The following POU6F2 variants were observed in gnomAD, a reference collection of about 807,000 sequenced individuals.
POU6F2 encodes POU class 6 homeobox 2, also known as POU domain, class 6, transcription factor 2.
A neutral mutation model predicts 71.3 loss-of-function variants in POU6F2; 31 were observed. The observed-to-expected ratio is 0.43, with a 90% CI of 0.33 to 0.59. POU6F2 has a LOEUF of 0.59. Among genes scored for constraint, POU6F2 ranks in the 20% least tolerant of loss-of-function variants. POU6F2 has a pLI of 0.04. For missense variants in POU6F2, 783 were observed against 856.8 expected, an observed-to-expected ratio of 0.91 and a Z score of 1.07; for synonymous variants, 347 against 355.7, an observed-to-expected ratio of 0.98 and a Z score of 0.27.
intron 4 of POU6F2, among the ~76,000 whole-genome samples, chr7:39,327,811 C>T (rs1047119416): frequency 4.0e-5 from 6 of 151,010 alleles, no homozygotes; most frequent in Non-Finnish European, 5.9e-5. Flanking sequence ...TGGACCCCCC[C>T]GCCAATAATA....
intron 4 of POU6F2, among the ~76,000 whole-genome samples, chr7:39,312,690 C>G (rs2128767281): frequency 6.6e-6 from 1 of 152,340 alleles, no homozygotes; most frequent in East Asian, 1.9e-4. Flanking sequence ...CATCACTACT[C>G]TTGCACTTCG....
chr7:39,068,126 A>G (rs891566444), intron 1 of POU6F2, among the ~76,000 whole-genome samples: 3 of 152,186 alleles, frequency 2.0e-5, no homozygotes, highest in South Asian at 2.1e-4. Flanking sequence ...CTTATCAATG[A>G]AAATAATTTT....
rs143115222 is a variant in POU6F2 at position 39,234,779 on chromosome 7, G to A, written c.598+27159G>A. On this transcript the variant is annotated intron_variant, in intron 4 of 9. Coordinates refer to ENST00000518318, the MANE Select transcript of POU6F2 (RefSeq NM_001370959.1). Reference sequence around the variant, plus strand: ...ATGTCAATTTTCTTGCCAACACACTGGATTTCTCATGCATCAATAGTACCA... The same window carrying A: ...ATGTCAATTTTCTTGCCAACACACTAGATTTCTCATGCATCAATAGTACCA... 3.1e-3 allele frequency among the ~76,000 whole-genome samples: 477 copies of A among 152,198 alleles called. 8 individuals carry two copies. Among genetic ancestry groups the A allele is most frequent in the Admixed American group, 0.028 (421 of 15,288 alleles).
Position 39,128,592 on chromosome 7 carries a change from T to C in POU6F2, c.277+42561T>C, listed in dbSNP as rs554776569. ...TTGGTGTGTAAATGCAGAATTCTAG[T>C]CTACTGTCAGTCTTTACAGAAAAGT... On this transcript the variant is annotated intron_variant, in intron 2 of 9. Coordinates refer to ENST00000518318, the MANE Select transcript of POU6F2 (RefSeq NM_001370959.1). Among the ~76,000 whole-genome samples the C allele has an allele frequency of 1.6e-3, 246 of 152,362 alleles. 2 individuals are homozygous for C. Among genetic ancestry groups the C allele is most frequent in the African/African-American group, 5.5e-3 (229 of 41,590 alleles).
At chr7:39,409,045 A>G (rs796620750) in intron 6 of POU6F2, among the ~76,000 whole-genome samples, 13 of 152,220 alleles carry the variant, frequency 8.5e-5, no homozygotes, top group Admixed American at 2.6e-4. Flanking sequence ...ATGTGGCACA[A>G]AAGGTAGCAA....
At chr7:39,440,618 C>T (rs4535636) in intron 7 of POU6F2, among the ~76,000 whole-genome samples, 51,179 of 151,958 alleles carry the variant, frequency 0.34, 9,630 homozygotes, top group East Asian at 0.58. Flanking sequence ...CTTCTTTGCA[C>T]TGGGTTAGAA....
intron 2 of POU6F2, among the ~76,000 whole-genome samples, chr7:39,115,405 T>C (rs1442619640): frequency 6.6e-6 from 1 of 152,224 alleles, no homozygotes; most frequent in Non-Finnish European, 1.5e-5. Flanking sequence ...GCTACTTCTT[T>C]TCTGGTACTT....
intron 2 of POU6F2, among the ~76,000 whole-genome samples, chr7:39,111,709 A>G (rs951818344): frequency 5.9e-5 from 9 of 152,210 alleles, no homozygotes; most frequent in African/African-American, 2.2e-4. Context: ...GTGGAGAACT[A>G]TAGTACATTC....
intron 4 of POU6F2, among the ~76,000 whole-genome samples, chr7:39,296,802 A>T (rs1784853737): frequency 1.3e-5 from 2 of 152,200 alleles, no homozygotes; most frequent in African/African-American, 4.8e-5. Context: ...AATAGGTTCT[A>T]CACCTGGTTT....
At chr7:39,301,698 T>C (rs1336925505) in intron 4 of POU6F2, among the ~76,000 whole-genome samples, 1 of 152,062 alleles carries the variant, frequency 6.6e-6, no homozygotes, top group Non-Finnish European at 1.5e-5. Flanking sequence ...AAATGTTAAA[T>C]AGAAAAGGGC....
chr7:39,273,820 C>A (rs980353814), intron 4 of POU6F2, among the ~76,000 whole-genome samples: 4 of 151,662 alleles, frequency 2.6e-5, no homozygotes, highest in African/African-American at 9.7e-5. Context: ...AAAGGCACTG[C>A]CTTAGAGAAG....
intron 1 of POU6F2, among the ~76,000 whole-genome samples, chr7:39,069,348 C>T (rs1193161841): frequency 6.6e-6 from 1 of 152,164 alleles, no homozygotes; most frequent in East Asian, 1.9e-4. Flanking sequence ...GAAGGTGGAG[C>T]AGAGGGCTTT....
chr7:39,340,427 C>A (rs982219328), intron 5 of POU6F2, among the ~76,000 whole-genome samples: 3 of 152,156 alleles, frequency 2.0e-5, no homozygotes, highest in African/African-American at 7.2e-5. Flanking sequence ...GTGGTTATTT[C>A]TCTATATTAT....
chr7:39,419,114 T>A (rs942828463), intron 6 of POU6F2, among the ~76,000 whole-genome samples: 3 of 55,476 alleles, frequency 5.4e-5, no homozygotes, highest in Non-Finnish European at 1.1e-4. Context: ...CATATATACG[T>A]ATATATGTGT....
At chr7:39,459,098 T>A (rs1788879923) in intron 8 of POU6F2, among the ~76,000 whole-genome samples, 1 of 152,150 alleles carries the variant, frequency 6.6e-6, no homozygotes, top group African/African-American at 2.4e-5. Flanking sequence ...CTGGAACTGT[T>A]TCTGAGGCTG....
chr7:39,403,082 G>A (rs547229860), intron 5 of POU6F2, among the ~76,000 whole-genome samples: 1 of 152,270 alleles, frequency 6.6e-6, no homozygotes, highest in African/African-American at 2.4e-5. Context: ...TTTACTTAAA[G>A]TCACAAACCA....
At chr7:39,076,186 C>A (rs1791000307) in intron 1 of POU6F2, among the ~76,000 whole-genome samples, 1 of 151,984 alleles carries the variant, frequency 6.6e-6, no homozygotes, top group Non-Finnish European at 1.5e-5. Flanking sequence ...CCCTTCCCTT[C>A]CCTTCTCTTC....
intron 1 of POU6F2, among the ~76,000 whole-genome samples, chr7:38,986,987 A>G (rs1455096152): frequency 1.3e-5 from 2 of 152,128 alleles, no homozygotes; most frequent in African/African-American, 2.4e-5. Context: ...TTATTTAACC[A>G]GTTCTCTCTT....
chr7:39,038,222 T>C (rs1790108015), intron 1 of POU6F2, among the ~76,000 whole-genome samples: 1 of 152,012 alleles, frequency 6.6e-6, no homozygotes. Context: ...GGATACAAGA[T>C]CACATTTTTT....
Sources: gnomAD v4.1 joint callset for allele counts (sites outside exome capture counted in the v4.1 genomes callset) on GRCh38, gnomAD v4.1.1 for gene constraint, MANE v1.5 for transcripts, NCBI Gene and HGNC (gene_info 2026-07-23, HGNC 2026-07-21) for gene names.